Variants in PIWIL1 observed in about 807,000 individuals in gnomAD.
PIWIL1 encodes the protein piwi-like protein 1.
PIWIL1 carries 73 observed loss-of-function variants against 114.4 expected under a neutral mutation model. The observed-to-expected ratio is 0.64, with a 90% confidence interval of 0.53 to 0.78. The LOEUF (loss-of-function observed/expected upper bound fraction) is 0.78, where lower values mean the gene tolerates loss of function less well. PIWIL1 is among the 30% of genes least tolerant of loss of function. The pLI is 0.00. For synonymous variants in PIWIL1, 375 were observed against 369.0 expected (o/e 1.02, Z -0.19); for missense variants, 723 against 1,063.1 (o/e 0.68, Z 4.45).
the PIWIL1 span, chr12:130,424,863 C>G: frequency 8.1e-7 from 1 of 1,231,320 alleles, no homozygotes; most frequent in Non-Finnish European, 1.0e-6. The surrounding 1 kb of genome is among the most constrained non-coding windows in gnomAD (Gnocchi z 9.8). Flanking sequence ...GCAGTCCTTA[C>G]GGGGTGGTGT....
the PIWIL1 span, chr12:130,399,861 CCCACATCTTGCTTTGGCT>C: frequency 6.2e-7 from 1 of 1,604,192 alleles, no homozygotes; most frequent in African/African-American, 1.3e-5. Flanking sequence ...TTTCTAGAAA[CCCACATCTTGCTTTGGCT>C]AAAGGAATAC....
At chr12:130,415,336 A>G in the PIWIL1 span, among the ~76,000 whole-genome samples, 1 of 152,236 alleles carries the variant, frequency 6.6e-6, no homozygotes, top group African/African-American at 2.4e-5. Context: ...AAAGCTTGCA[A>G]TAAAATCCAA....
the PIWIL1 span, chr12:130,425,212 G>A: frequency 8.6e-5 from 17 of 197,526 alleles, no homozygotes; most frequent in East Asian, 4.7e-4. Context: ...GTGTGGCCAC[G>A]GTGCCAGGGG....
chr12:130,362,060 T>C (rs959379898), intron 16 of PIWIL1, among the ~76,000 whole-genome samples: 2 of 152,218 alleles, frequency 1.3e-5, no homozygotes, highest in African/African-American at 4.8e-5. Flanking sequence ...TAGTAATGGA[T>C]ATATTTCAAG....
downstream of PIWIL1, among the ~76,000 whole-genome samples, chr12:130,375,038 C>CA (rs899180068): frequency 1.3e-5 from 2 of 151,208 alleles, no homozygotes; most frequent in Non-Finnish European, 2.9e-5. Context: ...CCGACCCCCG[C>CA]AAAAAAGAAA....
intron 4 of PIWIL1, 132 bp downstream of exon 4, chr12:130,346,010 T>C (rs2073059355): frequency 1.2e-6 from 1 of 854,632 alleles, no homozygotes; most frequent in Non-Finnish European, 1.8e-6. Flanking sequence ...CACTTTCTTT[T>C]GGCGTTGATG....
At chr12:130,409,054 A>G in the PIWIL1 span, among the ~76,000 whole-genome samples, 3 of 152,208 alleles carry the variant, frequency 2.0e-5, no homozygotes, top group Non-Finnish European at 4.4e-5. Flanking sequence ...TTCATGTTAC[A>G]GGGAATGTTA....
chr12:130,344,581 C>T (rs757515772), intron 3 of PIWIL1, among the ~76,000 whole-genome samples: 23 of 152,196 alleles, frequency 1.5e-4, no homozygotes, highest in Non-Finnish European at 2.8e-4. Context: ...ACTGTTATTT[C>T]TCTAAGGAAG....
chr12:130,409,013 C>G, the PIWIL1 span, among the ~76,000 whole-genome samples: 1 of 152,164 alleles, frequency 6.6e-6, no homozygotes, highest in South Asian at 2.1e-4. Flanking sequence ...ACATGTGTGT[C>G]TCCTCCAGAG....
At chr12:130,367,322 C>T in intron 19 of PIWIL1, 64 bp downstream of exon 19, 1 of 1,409,954 alleles carries the variant, frequency 7.1e-7, no homozygotes, top group Non-Finnish European at 9.5e-7. Context: ...TAGCATGGCC[C>T]CTATGCTTTA....
the PIWIL1 span, among the ~76,000 whole-genome samples, chr12:130,387,934 C>A: frequency 1.3e-5 from 2 of 152,270 alleles, no homozygotes; most frequent in South Asian, 4.1e-4. Context: ...AAAACTTTTG[C>A]TCTAACCCAA....
At chr12:130,369,415 A>G (rs2073757860) in intron 19 of PIWIL1, among the ~76,000 whole-genome samples, 1 of 152,214 alleles carries the variant, frequency 6.6e-6, no homozygotes, top group African/African-American at 2.4e-5. Flanking sequence ...TATACCCAGT[A>G]ATGGGATTGC....
intron 10 of PIWIL1, 24 bp downstream of exon 10, chr12:130,354,687 G>C (rs760453817): frequency 7.1e-6 from 11 of 1,550,194 alleles, no homozygotes; most frequent in Admixed American, 2.1e-5. Context: ...TCATTTACTC[G>C]GAAGGAAGCC....
chr12:130,362,237 C>CCCAA (rs754198938), intron 16 of PIWIL1, among the ~76,000 whole-genome samples: 3 of 152,154 alleles, frequency 2.0e-5, no homozygotes, highest in Non-Finnish European at 4.4e-5. Flanking sequence ...ACCTTCCACC[C>CCCAA]CCAAGTAGGC....
At chr12:130,356,482 C>T (rs190193434) in intron 12 of PIWIL1, among the ~76,000 whole-genome samples, 11 of 151,812 alleles carry the variant, frequency 7.2e-5, no homozygotes, top group South Asian at 4.2e-4. Context: ...CTGTGCCTCG[C>T]GTTTATTTCA....
At position 130,342,586 on chromosome 12, in the gene PIWIL1, A is replaced by C; in HGVS notation, c.-6A>C. 1.2e-6 allele frequency: 2 copies of C among 1,605,884 alleles called. No homozygotes were observed. The highest frequency in any genetic ancestry group is 1.7e-6 in the Non-Finnish European group (2 of 1,172,572). Reference sequence around the variant, plus strand: ...AAGATTGTTTCCTCTCCAGAAATAGAAAACAATGACTGGGAGAGCCCGAGC... The same window carrying C: ...AAGATTGTTTCCTCTCCAGAAATAGCAAACAATGACTGGGAGAGCCCGAGC... On this transcript the variant is annotated 5_prime_UTR_variant, in exon 2 of 21. Transcript: ENST00000245255.
the PIWIL1 span, among the ~76,000 whole-genome samples, chr12:130,422,767 A>C: frequency 6.6e-6 from 1 of 152,200 alleles, no homozygotes; most frequent in African/African-American, 2.4e-5. The surrounding 1 kb of genome is among the most constrained non-coding windows in gnomAD (Gnocchi z 5.2). Flanking sequence ...TGCTGGGCGC[A>C]TGGTGGGGTG....
the PIWIL1 span, among the ~76,000 whole-genome samples, chr12:130,412,022 CT>C: frequency 1.2e-4 from 18 of 151,594 alleles, no homozygotes; most frequent in African/African-American, 4.4e-4. Flanking sequence ...ACTACAGAGG[CT>C]TTTTTTAATG....
intron 9 of PIWIL1, 26 bp downstream of exon 9, chr12:130,349,993 G>A (rs1449695910): frequency 7.9e-7 from 1 of 1,268,142 alleles, no homozygotes; most frequent in East Asian, 2.3e-5. Context: ...TTAGATCTCA[G>A]GAGAAATCCA....
Sources: allele counts gnomAD v4.1 joint callset (sites outside exome capture counted in the v4.1 genomes callset), GRCh38; gene constraint gnomAD v4.1.1; non-coding constraint Gnocchi (gnomAD v3.1); transcripts MANE v1.5; gene names NCBI Gene and HGNC (gene_info 2026-07-23, HGNC 2026-07-21).